The following NR1D2 variants were observed in gnomAD, a reference collection of about 807,000 sequenced individuals.
NR1D2 encodes V-erbA-related protein 1-related.
Under a neutral mutation model 52.2 loss-of-function variants are expected in NR1D2, and 25 were observed. That is an observed-to-expected ratio of 0.48 (90% confidence interval 0.35 to 0.67). The LOEUF (loss-of-function observed/expected upper bound fraction) is 0.67. NR1D2 is among the 30% of genes least tolerant of loss of function. The probability of loss-of-function intolerance (pLI) is 0.01; values close to 1 mark genes in which losing one functional copy is unlikely to be tolerated. For synonymous variants in NR1D2, 259 were observed against 230.1 expected, an observed-to-expected ratio of 1.13 and a Z score of -1.14; for missense variants, 681 against 707.2, an observed-to-expected ratio of 0.96 and a Z score of 0.42.
At chr3:23,954,101 A>G (rs956374421) in intron 1 of NR1D2, among the ~76,000 whole-genome samples, 2 of 152,234 alleles carry the variant, frequency 1.3e-5, no homozygotes, top group African/African-American at 4.8e-5. Context: ...CCTGGGCTCA[A>G]GTGATCCTCT....
At chr3:23,956,760 C>G (rs1390541621) in intron 3 of NR1D2, among the ~76,000 whole-genome samples, 1 of 152,106 alleles carries the variant, frequency 6.6e-6, no homozygotes, top group Non-Finnish European at 1.5e-5. Flanking sequence ...ACCTCCCTAC[C>G]TATATACAGG....
At chr3:23,955,843 C>T in intron 2 of NR1D2, among the ~76,000 whole-genome samples, 194 bp from the exon 3 acceptor site, 1 of 146,420 alleles carries the variant, frequency 6.8e-6, no homozygotes, top group South Asian at 2.2e-4. Context: ...CAAAGCAAAA[C>T]AAAAAAAAAA....
chr3:23,977,836 A>C lies in NR1D2; in HGVS notation c.*417A>C, dbSNP rs4602333. On this transcript the variant is annotated 3_prime_UTR_variant, in exon 8 of 8. Coordinates refer to ENST00000312521, the MANE Select transcript of NR1D2 (RefSeq NM_005126.5). Reference sequence around the variant, plus strand: ...ATGGAAATCTTATTACTACCACAAGACTATTTGATCTGGTAATTGGAGACT... The same window carrying C: ...ATGGAAATCTTATTACTACCACAAGCCTATTTGATCTGGTAATTGGAGACT... 20,205 of 153,024 alleles carry C rather than the reference A, an allele frequency of 0.13. 1,916 individuals carry two copies. The highest frequency in any genetic ancestry group is 0.25 in the African/African-American group (10,558 of 41,478). The allele number at this position is 153,024 out of a possible 1,614,324, so 9.5% of individuals were successfully genotyped here.
intron 3 of NR1D2, among the ~76,000 whole-genome samples, chr3:23,957,206 C>T (rs1358585752): frequency 1.3e-5 from 2 of 151,772 alleles, no homozygotes; most frequent in Non-Finnish European, 2.9e-5. Context: ...TGGTCTTGAA[C>T]TCCTAACCTC....
intron 1 of NR1D2, 150 bp downstream of exon 1, chr3:23,945,744 C>G (rs1705654150): frequency 1.9e-6 from 1 of 532,054 alleles, no homozygotes; most frequent in South Asian, 8.5e-5. Flanking sequence ...TGGCTCGGTT[C>G]CCATCGCCCC....
intron 5 of NR1D2, among the ~76,000 whole-genome samples, chr3:23,963,719 G>T (rs1282293923): frequency 1.3e-5 from 2 of 152,104 alleles, no homozygotes; most frequent in Admixed American, 1.3e-4. Flanking sequence ...AAAGTGCTGG[G>T]ATTACAGGCA....
At chr3:23,954,475 G>A (rs1706030225) in intron 1 of NR1D2, 62 bp from the exon 2 acceptor site, 1 of 1,434,522 alleles carries the variant, frequency 7.0e-7, no homozygotes, top group Non-Finnish European at 9.6e-7. Flanking sequence ...GTTGAGATTT[G>A]CAAAAATAAA....
rs1039139052 is a variant in NR1D2, at chr3:23,959,537, AGT to A, written c.373-131_373-130del. On this transcript the variant is annotated intron_variant, in intron 3 of 7. Transcript: ENST00000312521. The stretch of plus-strand genomic sequence containing the variant: ...TGTATTTCCCTCTGTCCTAAGACAT[AGT>A]GTTTCCCAGATAGTGAGTCATATAC... The A allele has an allele frequency of 2.3e-5, 17 of 738,778 alleles. No homozygotes were observed. In the Admixed American group the frequency reaches 4.8e-4, roughly 21 times the overall value. The allele number at this position is 738,778 out of a possible 1,614,324, so 45.8% of individuals were successfully genotyped here. A position where few individuals can be genotyped will look rare whatever the true frequency, so the allele number is the denominator to read the frequency against.
intron 3 of NR1D2, 79 bp from the exon 4 acceptor site, chr3:23,959,592 G>A: frequency 7.3e-7 from 1 of 1,373,726 alleles, no homozygotes; most frequent in Admixed American, 2.0e-5. Flanking sequence ...ATATACACTA[G>A]ATAGGTATGG....
rs545681500 is a variant in NR1D2 at position 23,963,966 on chromosome 3, C to T, written c.1147-1011C>T. ...CTTCTTGGCTTCCTATTTTCCCTCA[C>T]GCAGTCGTCATTTAGAAGACACACC... On this transcript the variant is annotated intron_variant, in intron 5 of 7. Coordinates refer to ENST00000312521, the MANE Select transcript of NR1D2 (RefSeq NM_005126.5). Among the ~76,000 whole-genome samples the T allele has an allele frequency of 6.6e-5, 10 of 150,708 alleles. No individual in the cohort carries two copies. In the East Asian group the frequency reaches 1.4e-3, roughly 20 times the overall value.
At position 23,977,445 on chromosome 3, in the gene NR1D2, T is replaced by A; in HGVS notation, c.*26T>A. Reference sequence around the variant, plus strand: ...GGCCTTTGTTTATTTAAACATGAACTGATGGTAACTGTACATTTTGTGCTA... The same window carrying A: ...GGCCTTTGTTTATTTAAACATGAACAGATGGTAACTGTACATTTTGTGCTA... On this transcript the variant is annotated 3_prime_UTR_variant, in exon 8 of 8. Coordinates refer to ENST00000312521, the MANE Select transcript of NR1D2 (RefSeq NM_005126.5). The A allele has an allele frequency of 6.9e-7, 1 of 1,449,624 alleles. No individual in the cohort carries two copies. The highest frequency in any genetic ancestry group is 9.4e-7 in the Non-Finnish European group (1 of 1,066,120). The allele number at this position is 1,449,624 out of a possible 1,614,324, so 89.8% of individuals were successfully genotyped here.
chr3:23,977,467 G>A lies in NR1D2; in HGVS notation c.*48G>A. 1 of 1,289,382 alleles carries A rather than the reference G, an allele frequency of 7.8e-7. No homozygotes were observed. The highest frequency in any genetic ancestry group is 1.6e-5 in the South Asian group (1 of 63,196). 79.9% of individuals were successfully genotyped at this position (1,289,382 alleles called of 1,614,324 possible). The stretch of plus-strand genomic sequence containing the variant: ...AACTGATGGTAACTGTACATTTTGT[G>A]CTAAAATGCATATTTATATGTGTAT... On this transcript the variant is annotated 3_prime_UTR_variant, in exon 8 of 8. Transcript: ENST00000312521.
At chr3:23,952,725 C>G (rs888917681) in intron 1 of NR1D2, among the ~76,000 whole-genome samples, 1 of 118,520 alleles carries the variant, frequency 8.4e-6, no homozygotes, top group Non-Finnish European at 1.8e-5. Flanking sequence ...GACTCCATCT[C>G]AAAAAAAAAA....
At chr3:23,973,661 AT>A (rs573761026) in intron 7 of NR1D2, among the ~76,000 whole-genome samples, 64 of 151,710 alleles carry the variant, frequency 4.2e-4, no homozygotes, top group Admixed American at 7.2e-4. Flanking sequence ...ATTTATTAAA[AT>A]TTTTTTTTCT....
At chr3:23,965,695 ATTAT>A (rs1273582695) in intron 6 of NR1D2, among the ~76,000 whole-genome samples, 1 of 152,044 alleles carries the variant, frequency 6.6e-6, no homozygotes, top group Non-Finnish European at 1.5e-5. Flanking sequence ...TTTTTTACTT[ATTAT>A]TTAGGATTTG....
intron 1 of NR1D2, 146 bp from the exon 2 acceptor site, chr3:23,954,391 T>C: frequency 1.4e-6 from 1 of 692,414 alleles, no homozygotes; most frequent in Non-Finnish European, 2.4e-6. Flanking sequence ...AATAAGGAAA[T>C]ACTTTATTTT....
intron 5 of NR1D2, chr3:23,964,768 ATAAGT>A: frequency 2.4e-6 from 1 of 416,628 alleles, no homozygotes; most frequent in South Asian, 6.4e-5. Context: ...TTTTTTAATG[ATAAGT>A]TAATTGCTAT....
At chr3:23,954,142 TA>T (rs1706020317) in intron 1 of NR1D2, among the ~76,000 whole-genome samples, 1 of 152,192 alleles carries the variant, frequency 6.6e-6, no homozygotes, top group African/African-American at 2.4e-5. Context: ...CTGGCACTAC[TA>T]GAGGTGCTGG....
chr3:23,957,655 G>A (rs1206532848), intron 3 of NR1D2, among the ~76,000 whole-genome samples: 4 of 151,512 alleles, frequency 2.6e-5, no homozygotes, highest in South Asian at 2.1e-4. Context: ...CCCGGGAGGC[G>A]GAGCTTGCAG....
Sources: gnomAD v4.1 joint callset for allele counts (sites outside exome capture counted in the v4.1 genomes callset) on GRCh38, gnomAD v4.1.1 for gene constraint, MANE v1.5 for transcripts, NCBI Gene and HGNC (gene_info 2026-07-23, HGNC 2026-07-21) for gene names.